Variants in PDE4B observed in about 807,000 individuals in gnomAD.
PDE4B encodes phosphodiesterase 4B, also known as 3',5'-cyclic-AMP phosphodiesterase 4B.
Under a neutral mutation model 82.2 loss-of-function variants are expected in PDE4B, and 20 were observed. The observed-to-expected ratio is 0.24, with a 90% CI of 0.17 to 0.35. PDE4B has a LOEUF of 0.35. Ranked by LOEUF, PDE4B falls within the 10% of genes least tolerant of loss-of-function variation. The pLI is 1.00. For synonymous variants in PDE4B, 320 were observed against 318.9 expected (o/e 1.00, Z -0.04); for missense variants, 655 against 907.2 (o/e 0.72, Z 3.57).
chr1:65,855,749 G>C (rs750011566), intron 1 of PDE4B, among the ~76,000 whole-genome samples: 1 of 152,008 alleles, frequency 6.6e-6, no homozygotes, highest in Non-Finnish European at 1.5e-5. Context: ...CCAGCCTCTG[G>C]AGTCTGCTTG....
chr1:65,851,482 C>T (rs1230700944), intron 1 of PDE4B, among the ~76,000 whole-genome samples: 1 of 151,914 alleles, frequency 6.6e-6, no homozygotes, highest in Non-Finnish European at 1.5e-5. Context: ...GTATGTTTCT[C>T]TATTTATTTA....
intron 3 of PDE4B, among the ~76,000 whole-genome samples, chr1:66,044,849 C>G (rs980300552): frequency 2.6e-5 from 4 of 151,606 alleles, no homozygotes; most frequent in African/African-American, 4.8e-5. Flanking sequence ...AATCCAAGAT[C>G]ATTATTATAA....
At chr1:66,372,159 G>A (rs890950752) in intron 16 of PDE4B, among the ~76,000 whole-genome samples, 154 bp from the exon 17 acceptor site, 1 of 152,198 alleles carries the variant, frequency 6.6e-6, no homozygotes, top group African/African-American at 2.4e-5. Flanking sequence ...TTCAGTGTAA[G>A]ACCCACTGTA....
At chr1:66,175,776 C>T (rs1398256649) in intron 3 of PDE4B, among the ~76,000 whole-genome samples, 1 of 152,122 alleles carries the variant, frequency 6.6e-6, no homozygotes, top group African/African-American at 2.4e-5. Flanking sequence ...ACATCCTGCT[C>T]CAGCAGAACA....
chr1:65,902,618 A>T (rs1298072218), intron 1 of PDE4B, among the ~76,000 whole-genome samples: 2 of 152,126 alleles, frequency 1.3e-5, no homozygotes, highest in Admixed American at 6.6e-5. Context: ...GATTGTGATG[A>T]TACTCTACTT....
chr1:65,919,293 A>G (rs934482834), intron 3 of PDE4B, among the ~76,000 whole-genome samples: 2 of 152,248 alleles, frequency 1.3e-5, no homozygotes, highest in African/African-American at 4.8e-5. Flanking sequence ...TCTATAAAAT[A>G]AAACATTTCA....
chr1:66,168,461 C>T (rs924507206), intron 3 of PDE4B, among the ~76,000 whole-genome samples: 6 of 152,106 alleles, frequency 3.9e-5, no homozygotes, highest in Admixed American at 3.9e-4. Context: ...AGCTATGGAG[C>T]AAACTGGGTA....
chr1:66,173,327 G>T (rs2101350610), intron 3 of PDE4B, among the ~76,000 whole-genome samples: 1 of 152,288 alleles, frequency 6.6e-6, no homozygotes, highest in Admixed American at 6.5e-5. Flanking sequence ...AGCTGTGAGG[G>T]ACCATAAAGA....
At chr1:66,148,262 G>A (rs529710496) in intron 3 of PDE4B, among the ~76,000 whole-genome samples, 3 of 151,866 alleles carry the variant, frequency 2.0e-5, no homozygotes, top group South Asian at 4.2e-4. Context: ...AGAGTGAGAT[G>A]CTGTCTTTAA....
chr1:66,318,439 C>T (rs917274352), intron 7 of PDE4B, among the ~76,000 whole-genome samples: 5 of 152,196 alleles, frequency 3.3e-5, no homozygotes, highest in African/African-American at 1.2e-4. Context: ...CATTCCTGAT[C>T]ACACTGGAGG....
intron 3 of PDE4B, among the ~76,000 whole-genome samples, chr1:66,226,801 T>G (rs1051266046): frequency 6.6e-6 from 1 of 152,250 alleles, no homozygotes; most frequent in African/African-American, 2.4e-5. Flanking sequence ...TTTATAGTTT[T>G]TAAAGTTTAC....
intron 3 of PDE4B, among the ~76,000 whole-genome samples, chr1:66,135,022 T>C (rs886756044): frequency 6.6e-6 from 1 of 152,114 alleles, no homozygotes; most frequent in South Asian, 2.1e-4. Context: ...CTGGGTTGAG[T>C]CTTATAGGAT....
intron 1 of PDE4B, among the ~76,000 whole-genome samples, chr1:65,886,166 G>A (rs1290116000): frequency 6.6e-6 from 1 of 151,212 alleles, no homozygotes; most frequent in African/African-American, 2.4e-5. Context: ...AAAATAAATT[G>A]CTGAATCTAT....
chr1:66,368,694 T>C, intron 15 of PDE4B, 93 bp from the exon 16 acceptor site: 3 of 956,364 alleles, frequency 3.1e-6, no homozygotes, highest in Middle Eastern at 4.6e-4. Flanking sequence ...TGTTCTCGGG[T>C]TTAGTACCAA....
At chr1:66,130,407 A>G (rs1474904482) in intron 3 of PDE4B, among the ~76,000 whole-genome samples, 1 of 152,218 alleles carries the variant, frequency 6.6e-6, no homozygotes, top group Non-Finnish European at 1.5e-5. Context: ...ACTAGGCTAA[A>G]TGCTGTCCAC....
At chr1:66,162,633 A>G (rs1431431585) in intron 3 of PDE4B, among the ~76,000 whole-genome samples, 1 of 151,724 alleles carries the variant, frequency 6.6e-6, no homozygotes, top group Non-Finnish European at 1.5e-5. Flanking sequence ...ATTTGCATAT[A>G]CTTACTTGTT....
intron 3 of PDE4B, among the ~76,000 whole-genome samples, chr1:66,026,362 C>A (rs1043676387): frequency 7.6e-4 from 116 of 152,290 alleles, no homozygotes; most frequent in African/African-American, 2.4e-3. Context: ...TAACATTGTG[C>A]CTCATGTCCT....
At chr1:66,021,084 T>C (rs1653079256) in intron 3 of PDE4B, among the ~76,000 whole-genome samples, 1 of 152,266 alleles carries the variant, frequency 6.6e-6, no homozygotes, top group Non-Finnish European at 1.5e-5. Context: ...GAGCATTTTT[T>C]CATGTGTCTG....
intron 3 of PDE4B, among the ~76,000 whole-genome samples, chr1:66,169,301 A>G (rs577937539): frequency 2.6e-5 from 4 of 152,336 alleles, no homozygotes; most frequent in Admixed American, 2.0e-4. Flanking sequence ...GTATCTGCTT[A>G]GAGGCCAGTC....
Sources: allele counts gnomAD v4.1 joint callset (sites outside exome capture counted in the v4.1 genomes callset), GRCh38; gene constraint gnomAD v4.1.1; transcripts MANE v1.5; gene names NCBI Gene and HGNC (gene_info 2026-07-23, HGNC 2026-07-21).